TMEM108: variants seen among roughly 807,000 people sequenced by gnomAD.
TMEM108 encodes the protein transmembrane protein 108.
Under a neutral mutation model 35.1 loss-of-function variants are expected in TMEM108, and 12 were observed. The ratio of observed to expected loss-of-function variants is 0.34; its 90% CI spans 0.22 to 0.55. The LOEUF (loss-of-function observed/expected upper bound fraction) is 0.55, where lower values mean the gene tolerates loss of function less well. Ranked by LOEUF, TMEM108 falls within the 20% of genes least tolerant of loss-of-function variation. The probability of loss-of-function intolerance (pLI) is 0.89; values close to 1 mark genes in which losing one functional copy is unlikely to be tolerated. For missense variants in TMEM108, 680 were observed against 753.3 expected, an observed-to-expected ratio of 0.90 and a Z score of 1.14; for synonymous variants, 287 against 308.6, an observed-to-expected ratio of 0.93 and a Z score of 0.73.
chr3:133,077,188 G>C (rs1943752124), intron 2 of TMEM108, among the ~76,000 whole-genome samples: 1 of 152,230 alleles, frequency 6.6e-6, no homozygotes, highest in South Asian at 2.1e-4. Context: ...GGCTGTGCTG[G>C]CGGTGAGCAG....
At chr3:133,045,484 A>C (rs185487980) in intron 1 of TMEM108, among the ~76,000 whole-genome samples, 1 of 152,332 alleles carries the variant, frequency 6.6e-6, no homozygotes, top group Admixed American at 6.5e-5. Flanking sequence ...CATAAGGTTA[A>C]GTGTGACTGT....
At chr3:133,238,216 C>A (rs1053844548) in intron 3 of TMEM108, among the ~76,000 whole-genome samples, 1 of 152,156 alleles carries the variant, frequency 6.6e-6, no homozygotes, top group Admixed American at 6.5e-5. Context: ...ATATTTAGCT[C>A]TGATTATACA....
intron 3 of TMEM108, among the ~76,000 whole-genome samples, chr3:133,362,350 A>G (rs1288143574): frequency 1.3e-5 from 2 of 152,138 alleles, no homozygotes; most frequent in African/African-American, 4.8e-5. Context: ...AGCCTCCTCC[A>G]CAGTGATGAT....
At chr3:133,222,733 T>G (rs1946010633) in intron 2 of TMEM108, among the ~76,000 whole-genome samples, 1 of 152,172 alleles carries the variant, frequency 6.6e-6, no homozygotes, top group African/African-American at 2.4e-5. Flanking sequence ...CTTTGTTTTC[T>G]TGTTTTTAAA....
chr3:133,052,529 A>G (rs1369583381), intron 2 of TMEM108, among the ~76,000 whole-genome samples: 1 of 148,844 alleles, frequency 6.7e-6, no homozygotes, highest in Non-Finnish European at 1.5e-5. Flanking sequence ...CAGGACTTCT[A>G]GTACAATGTT....
chr3:133,320,341 A>G (rs1485058762), intron 3 of TMEM108, among the ~76,000 whole-genome samples: 4 of 152,072 alleles, frequency 2.6e-5, no homozygotes, highest in Non-Finnish European at 5.9e-5. Flanking sequence ...AAAAAAAACA[A>G]TCACAACTTC....
At chr3:133,362,195 G>A (rs377153430) in intron 3 of TMEM108, among the ~76,000 whole-genome samples, 3 of 152,142 alleles carry the variant, frequency 2.0e-5, no homozygotes, top group Non-Finnish European at 2.9e-5. Flanking sequence ...CAAAAGTTCC[G>A]CAACATAATT....
chr3:133,113,385 A>C (rs1324702566), intron 2 of TMEM108, among the ~76,000 whole-genome samples: 2 of 152,212 alleles, frequency 1.3e-5, no homozygotes, highest in African/African-American at 4.8e-5. Flanking sequence ...CAAAATAAGC[A>C]TTATAGAAGA....
chr3:133,149,298 TGTGAA>T (rs1387758645), intron 2 of TMEM108, among the ~76,000 whole-genome samples: 2 of 152,246 alleles, frequency 1.3e-5, no homozygotes, highest in Non-Finnish European at 2.9e-5. Context: ...GTGAATACAT[TGTGAA>T]GTGATTACCA....
chr3:133,093,342 T>A (rs1469670005), intron 2 of TMEM108, among the ~76,000 whole-genome samples: 1 of 152,160 alleles, frequency 6.6e-6, no homozygotes, highest in Non-Finnish European at 1.5e-5. Flanking sequence ...GGTGGGGAGC[T>A]GGAACTGATG....
intron 3 of TMEM108, among the ~76,000 whole-genome samples, chr3:133,258,117 G>A (rs55719274): frequency 0.12 from 17,914 of 152,104 alleles, 1,471 homozygotes; most frequent in East Asian, 0.38. Flanking sequence ...GGTCATGAGG[G>A]TGGATCCCTC....
chr3:133,209,229 A>T (rs1439454914), intron 2 of TMEM108, among the ~76,000 whole-genome samples: 3 of 147,090 alleles, frequency 2.0e-5, no homozygotes, highest in South Asian at 2.2e-4. Flanking sequence ...TTTTTTAAGG[A>T]ATGGGGTTTT....
chr3:133,268,398 A>G (rs968193465), intron 3 of TMEM108, among the ~76,000 whole-genome samples: 1 of 152,200 alleles, frequency 6.6e-6, no homozygotes, highest in Non-Finnish European at 1.5e-5. Context: ...CCCAGGCATC[A>G]GGTTAGACAT....
At chr3:133,189,298 A>G (rs1440042660) in intron 2 of TMEM108, among the ~76,000 whole-genome samples, 2 of 152,204 alleles carry the variant, frequency 1.3e-5, no homozygotes, top group Non-Finnish European at 2.9e-5. Flanking sequence ...TGACCTTTAC[A>G]TAGAGAGGAG....
At chr3:133,092,851 C>T (rs937964780) in intron 2 of TMEM108, among the ~76,000 whole-genome samples, 5 of 151,866 alleles carry the variant, frequency 3.3e-5, no homozygotes, top group Non-Finnish European at 5.9e-5. Flanking sequence ...AGTGAAGAGC[C>T]GATTTAAGTA....
intron 2 of TMEM108, among the ~76,000 whole-genome samples, chr3:133,149,238 A>G (rs1007960724): frequency 2.6e-5 from 4 of 152,112 alleles, no homozygotes; most frequent in African/African-American, 7.2e-5. Context: ...AAAATAATTG[A>G]CAAATAAAAA....
intron 2 of TMEM108, among the ~76,000 whole-genome samples, chr3:133,168,049 G>T (rs781183351): frequency 6.6e-6 from 1 of 152,152 alleles, no homozygotes; most frequent in African/African-American, 2.4e-5. Context: ...TGTTTTGTCA[G>T]TCTTATGATC....
At chr3:133,302,455 C>G (rs1947242365) in intron 3 of TMEM108, among the ~76,000 whole-genome samples, 2 of 112,760 alleles carry the variant, frequency 1.8e-5, no homozygotes, top group African/African-American at 3.4e-5. Flanking sequence ...GAATCTTGCT[C>G]TGTCGCCCAG....
At chr3:133,118,253 T>A (rs938380679) in intron 2 of TMEM108, among the ~76,000 whole-genome samples, 11 of 152,186 alleles carry the variant, frequency 7.2e-5, no homozygotes, top group African/African-American at 1.4e-4. Context: ...GTGTGGAAAC[T>A]ACTCAATGGT....
Sources: gnomAD v4.1 joint callset for allele counts (sites outside exome capture counted in the v4.1 genomes callset) on GRCh38, gnomAD v4.1.1 for gene constraint, MANE v1.5 for transcripts, NCBI Gene and HGNC (gene_info 2026-07-23, HGNC 2026-07-21) for gene names.